SULF2: variants seen among roughly 807,000 people sequenced by gnomAD.
SULF2 encodes the protein sulfatase 2, also known as extracellular sulfatase Sulf-2.
In SULF2, 52 loss-of-function variants were observed where a neutral mutation model predicts 107.7. The observed-to-expected ratio is 0.48, with a 90% CI of 0.39 to 0.61. SULF2 has a LOEUF of 0.61. SULF2 is among the 20% of genes least tolerant of loss of function. SULF2 has a pLI of 0.00. For missense variants in SULF2, 993 were observed against 1,177.3 expected (o/e 0.84, Z 2.29); for synonymous variants, 460 against 464.3 (o/e 0.99, Z 0.12).
At chr20:47,741,143 GTCTCC>G (rs2146811658) in intron 2 of SULF2, among the ~76,000 whole-genome samples, 1 of 152,236 alleles carries the variant, frequency 6.6e-6, no homozygotes, top group East Asian at 1.9e-4. Context: ...TGTAGCCAGA[GTCTCC>G]TCTCCTGACA....
intron 5 of SULF2, among the ~76,000 whole-genome samples, chr20:47,689,196 A>AG (rs1291710028): frequency 1.3e-5 from 2 of 152,186 alleles, no homozygotes; most frequent in African/African-American, 4.8e-5. Context: ...CAAGTGTGAC[A>AG]GGCAGCCTCC....
At chr20:47,764,127 C>T (rs1297448211) in intron 1 of SULF2, among the ~76,000 whole-genome samples, 2 of 152,192 alleles carry the variant, frequency 1.3e-5, no homozygotes, top group South Asian at 4.1e-4. Context: ...CTTCACCATC[C>T]CTTCTTCCCC....
rs111581444 is a variant in SULF2 at position 47,676,066 on chromosome 20, A to G, written c.1380+428T>C. On this transcript the variant is annotated intron_variant, in intron 10 of 20. Transcript: ENST00000688720. ...TTCCTTAATATTTCTCTTGCAATCA[A>G]TTCACTTTTTAAAACCTTACCTATA... Among the ~76,000 whole-genome samples the G allele has an allele frequency of 7.2e-5, 11 of 152,282 alleles. 2 individuals are homozygous for G. The highest frequency in any genetic ancestry group is 2.4e-4 in the African/African-American group (10 of 41,560).
chr20:47,768,944 G>C (rs1445080262), intron 1 of SULF2, among the ~76,000 whole-genome samples: 1 of 144,986 alleles, frequency 6.9e-6, no homozygotes, highest in Non-Finnish European at 1.5e-5. Context: ...ACAGTGGCAT[G>C]ACCTTGGCTC....
At chr20:47,756,001 T>C (rs56378198) in intron 2 of SULF2, among the ~76,000 whole-genome samples, 40,851 of 151,914 alleles carry the variant, frequency 0.27, 6,103 homozygotes, top group Non-Finnish European at 0.34. Flanking sequence ...TGAGCCTCCC[T>C]TAGTTCTCTG....
chr20:47,763,285 A>G (rs2090454563), intron 1 of SULF2, among the ~76,000 whole-genome samples: 1 of 152,042 alleles, frequency 6.6e-6, no homozygotes, highest in South Asian at 2.1e-4. Context: ...ATTTAGAAAC[A>G]TCATTTTTAG....
At chr20:47,718,997 T>C (rs1490612981) in intron 3 of SULF2, among the ~76,000 whole-genome samples, 1 of 152,204 alleles carries the variant, frequency 6.6e-6, no homozygotes, top group Non-Finnish European at 1.5e-5. Context: ...ATGGCAAAAG[T>C]ATGTATTTGT....
chr20:47,714,358 G>A (rs903970251), intron 3 of SULF2, among the ~76,000 whole-genome samples: 3 of 152,116 alleles, frequency 2.0e-5, no homozygotes, highest in Non-Finnish European at 2.9e-5. Context: ...CCATACATCC[G>A]TCAATGCCAG....
In SULF2 at chr20:47,672,189, G is replaced by T; in HGVS notation, c.1576+9C>A. On this transcript the variant is annotated intron_variant, in intron 11 of 20. Coordinates refer to ENST00000688720, the MANE Select transcript of SULF2 (RefSeq NM_001387048.1). ...CTCCTGTCCCACTCAGCCAGGTTGT[G>T]ACACTTACTCTTCTTGAAGAGTTTT... 2 of 1,597,620 alleles carry T rather than the reference G, an allele frequency of 1.3e-6. No individual in the cohort carries two copies. The highest frequency in any genetic ancestry group is 2.2e-5 in the South Asian group (2 of 90,050).
chr20:47,692,469 G>A (rs530396065), intron 4 of SULF2, among the ~76,000 whole-genome samples: 2 of 152,328 alleles, frequency 1.3e-5, no homozygotes, highest in South Asian at 4.1e-4. Flanking sequence ...GGGGTGCAGT[G>A]GCACAATCAT....
chr20:47,678,515 T>TGCTTCTCTCCCACGGGGACCAA lies in SULF2; in HGVS notation c.1193+160_1193+161insTTGGTCCCCGTGGGAGAGAAGC. ...AGACAGAATCTCGGAGAGGGGACCA[T>TGCTTCTCTCCCACGGGGACCAA]GCTTCTCTCCCACAGCAGGTAAGTG... On this transcript the variant is annotated intron_variant, in intron 8 of 20. Transcript: ENST00000688720. The surrounding 1 kb of genome is among the most constrained non-coding windows in gnomAD (Gnocchi z 4.5). 1 of 918,844 alleles carries TGCTTCTCTCCCACGGGGACCAA rather than the reference T, an allele frequency of 1.1e-6. No individual in the cohort carries two copies. Among genetic ancestry groups the TGCTTCTCTCCCACGGGGACCAA allele is most frequent in the Non-Finnish European group, 1.7e-6 (1 of 605,960 alleles). 56.9% of individuals were successfully genotyped at this position (918,844 alleles called of 1,614,324 possible). A position where few individuals can be genotyped will look rare whatever the true frequency, so the allele number is the denominator to read the frequency against.
intron 11 of SULF2, among the ~76,000 whole-genome samples, chr20:47,671,092 C>G (rs2087454776): frequency 6.6e-6 from 1 of 152,176 alleles, no homozygotes; most frequent in Non-Finnish European, 1.5e-5. Flanking sequence ...GGAGCTGAGC[C>G]TCAGAATGGT....
At chr20:47,730,512 GC>G (rs1487336168) in intron 3 of SULF2, among the ~76,000 whole-genome samples, 1 of 152,130 alleles carries the variant, frequency 6.6e-6, no homozygotes, top group Non-Finnish European at 1.5e-5. Context: ...GTGCAGTGGT[GC>G]AATCTCGGCT....
intron 1 of SULF2, among the ~76,000 whole-genome samples, chr20:47,773,014 C>T (rs768059125): frequency 3.9e-4 from 60 of 152,036 alleles, no homozygotes; most frequent in Non-Finnish European, 7.4e-4. Flanking sequence ...GATGGGGTGG[C>T]GCCTGGACTA....
At position 47,690,303 on chromosome 20, in the gene SULF2, G is replaced by A. The variant is rs755220853; in HGVS notation, c.568-8C>T. ...GAGGTCTGTGAGGTAATCCTGGGGG[G>A]TGGGGAGAGACAGGAGAACAGGTGA... On this transcript the variant is annotated splice_polypyrimidine_tract_variant and splice_region_variant and intron_variant, in intron 4 of 20. Coordinates refer to ENST00000688720, the MANE Select transcript of SULF2 (RefSeq NM_001387048.1). 2.1e-6 allele frequency: 3 copies of A among 1,459,440 alleles called. No individual in the cohort carries two copies. The Admixed American group carries it at 6.8e-5, about 33-fold the overall frequency. The allele number at this position is 1,459,440 out of a possible 1,614,324, so 90.4% of individuals were successfully genotyped here. A position where few individuals can be genotyped will look rare whatever the true frequency, so the allele number is the denominator to read the frequency against.
intron 3 of SULF2, among the ~76,000 whole-genome samples, chr20:47,717,427 A>G (rs2089157218): frequency 6.6e-6 from 1 of 152,134 alleles, no homozygotes; most frequent in South Asian, 2.1e-4. Flanking sequence ...TCTCAGCAGG[A>G]CTCCAGCGAC....
intron 4 of SULF2, among the ~76,000 whole-genome samples, chr20:47,700,670 G>T (rs1270442804): frequency 7.0e-6 from 1 of 142,246 alleles, no homozygotes; most frequent in Non-Finnish European, 1.5e-5. Flanking sequence ...TTTTGAGATG[G>T]AGTCTCGCTC....
intron 1 of SULF2, 85 bp from the exon 2 acceptor site, chr20:47,757,548 G>T: frequency 1.5e-6 from 1 of 683,308 alleles, no homozygotes; most frequent in Non-Finnish European, 2.4e-6. Context: ...ATGGCGGCTG[G>T]CATGAACAAT....
intron 1 of SULF2, among the ~76,000 whole-genome samples, chr20:47,768,730 T>C (rs62200257): frequency 0.3 from 45,323 of 152,078 alleles, 7,670 homozygotes; most frequent in African/African-American, 0.48. Flanking sequence ...CCACCCTGGC[T>C]GTGACTTGGG....
Sources: gnomAD v4.1 joint callset for allele counts (sites outside exome capture counted in the v4.1 genomes callset) on GRCh38, gnomAD v4.1.1 for gene constraint, Gnocchi (gnomAD v3.1) non-coding constraint, MANE v1.5 for transcripts, NCBI Gene and HGNC (gene_info 2026-07-23, HGNC 2026-07-21) for gene names.